The following DAB1 variants were observed in gnomAD, a reference collection of about 807,000 sequenced individuals.
DAB1 encodes disabled homolog 1.
Under a neutral mutation model 64.6 loss-of-function variants are expected in DAB1, and 15 were observed. That is an observed-to-expected ratio of 0.23 (90% CI 0.16 to 0.36). DAB1 has a LOEUF of 0.36. DAB1 is among the 10% of genes least tolerant of loss of function. The pLI, the probability that DAB1 is intolerant of heterozygous loss-of-function variation, is 1.00. For missense variants in DAB1, 596 were observed against 706.7 expected (o/e 0.84, Z 1.78); for synonymous variants, 235 against 251.9 (o/e 0.93, Z 0.64).
intron 2 of DAB1, among the ~76,000 whole-genome samples, chr1:57,154,388 C>T (rs141609672): frequency 3.1e-4 from 47 of 152,294 alleles, no homozygotes; most frequent in Admixed American, 4.6e-4. Flanking sequence ...TTTTTTATGA[C>T]GGAATAGTAC....
intron 7 of DAB1, among the ~76,000 whole-genome samples, chr1:57,562,367 C>T (rs373614895): frequency 5.4e-4 from 82 of 152,118 alleles, no homozygotes; most frequent in African/African-American, 1.4e-3. Context: ...ACTGAGACTC[C>T]GTCTCAAAAA....
rs896617301 is a variant in DAB1 at position 57,732,183 on chromosome 1, G to GA, written n.552-82519_552-82518insT. Reference sequence around the variant, plus strand: ...AAATCCCAGGGCAATTATTGTGGGGGTATCATGCAGGTCAGGTTAGTTTTT... The same window carrying GA: ...AAATCCCAGGGCAATTATTGTGGGGGATATCATGCAGGTCAGGTTAGTTTTT... On this transcript the variant is annotated intron_variant and non_coding_transcript_variant, in intron 6 of 20. Transcript: ENST00000485760. Among the ~76,000 whole-genome samples the GA allele has an allele frequency of 6.6e-5, 10 of 151,982 alleles. No individual in the cohort carries two copies. The South Asian group carries it at 1.2e-3, about 19-fold the overall frequency.
chr1:57,365,222 G>A (rs1679886026), intron 1 of DAB1, among the ~76,000 whole-genome samples: 1 of 135,508 alleles, frequency 7.4e-6, no homozygotes, highest in East Asian at 2.1e-4. Flanking sequence ...ATATATTTAT[G>A]TTATATAAAA....
At chr1:57,223,418 CT>C (rs1288245841) in intron 2 of DAB1, among the ~76,000 whole-genome samples, 3 of 152,146 alleles carry the variant, frequency 2.0e-5, no homozygotes, top group Non-Finnish European at 4.4e-5. Flanking sequence ...GAAAACTTAC[CT>C]CGCTGGCTTA....
chr1:58,122,939 A>G (rs966692753), intron 5 of DAB1, among the ~76,000 whole-genome samples: 1 of 152,194 alleles, frequency 6.6e-6, no homozygotes, highest in Admixed American at 6.5e-5. Flanking sequence ...AGAGAAGGCA[A>G]GAGAAGAATA....
chr1:57,754,486 G>A (rs1648700401), intron 6 of DAB1, among the ~76,000 whole-genome samples: 1 of 151,984 alleles, frequency 6.6e-6, no homozygotes, highest in Admixed American at 6.5e-5. Context: ...AGGAGATTGA[G>A]ACCAGCCTGG....
chr1:58,136,453 A>C lies in DAB1; in HGVS notation n.387+14058T>G, dbSNP rs567326842. ...AGTGTCCAGTGGTCTCACAATACTG[A>C]AGGCTGCATTAATTTTGGACCACAC... On this transcript the variant is annotated intron_variant and non_coding_transcript_variant, in intron 5 of 20. Coordinates refer to the DAB1 transcript ENST00000485760. Among the ~76,000 whole-genome samples, 18 of 152,252 alleles carry C rather than the reference A, an allele frequency of 1.2e-4. No individual in the cohort carries two copies. In the East Asian group the frequency reaches 3.5e-3, roughly 29 times the overall value.
rs570863801 is a variant in DAB1, at chr1:57,411,659, C to T, written c.-137+12271G>A. On this transcript the variant is annotated intron_variant, in intron 1 of 14. Coordinates refer to ENST00000371236, the MANE Select transcript of DAB1 (RefSeq NM_001365792.1). ...TCGGCCTCTTGAACAAAGTGACTAG[C>T]GGCTACCCTGGTCGATCACCCTCTC... Among the ~76,000 whole-genome samples the T allele has an allele frequency of 1.4e-4, 21 of 152,336 alleles. No individual in the cohort carries two copies. The South Asian group carries it at 3.3e-3, about 24-fold the overall frequency.
intron 3 of DAB1, among the ~76,000 whole-genome samples, chr1:58,449,463 C>T (rs567738948): frequency 6.6e-6 from 1 of 152,250 alleles, no homozygotes; most frequent in Non-Finnish European, 1.5e-5. Context: ...TGGAACTTCC[C>T]AGGATGGGTG....
chr1:58,217,248 T>C (rs1466678102), intron 4 of DAB1, among the ~76,000 whole-genome samples: 1 of 152,206 alleles, frequency 6.6e-6, no homozygotes, highest in Admixed American at 6.5e-5. Flanking sequence ...GCTCCAAAGC[T>C]TGTGCTCCTT....
chr1:57,568,800 A>T (rs913141544), intron 7 of DAB1, among the ~76,000 whole-genome samples: 1 of 152,044 alleles, frequency 6.6e-6, no homozygotes, highest in Non-Finnish European at 1.5e-5. Flanking sequence ...GAGGATGTGG[A>T]GAAATAGGAA....
chr1:57,315,627 C>T (rs998214621), intron 1 of DAB1, among the ~76,000 whole-genome samples: 4 of 152,084 alleles, frequency 2.6e-5, no homozygotes, highest in Non-Finnish European at 4.4e-5. Flanking sequence ...CTCAGCCTCC[C>T]GAGTAGCTGG....
chr1:57,114,416 A>G (rs1655931022), intron 4 of DAB1, among the ~76,000 whole-genome samples: 1 of 152,224 alleles, frequency 6.6e-6, no homozygotes, highest in Non-Finnish European at 1.5e-5. Flanking sequence ...TATCAGTATC[A>G]ACCGGAAAAG....
chr1:58,056,196 T>C, intron 5 of DAB1: 2 of 1,534,016 alleles, frequency 1.3e-6, no homozygotes, highest in Admixed American at 1.7e-5. Flanking sequence ...ATGGGGGTGT[T>C]CGGTCCTTGC....
intron 4 of DAB1, among the ~76,000 whole-genome samples, chr1:58,279,368 T>C (rs1326032287): frequency 2.0e-5 from 3 of 152,198 alleles, no homozygotes; most frequent in African/African-American, 7.2e-5. Context: ...AACACATAGC[T>C]TATAAACACA....
At chr1:57,805,613 C>T (rs11207111) in intron 6 of DAB1, among the ~76,000 whole-genome samples, 1 of 151,960 alleles carries the variant, frequency 6.6e-6, no homozygotes, top group Non-Finnish European at 1.5e-5. Context: ...AATTTATATC[C>T]CTAGTCTGGA....
intron 6 of DAB1, among the ~76,000 whole-genome samples, chr1:57,820,906 C>G (rs1037813040): frequency 2.0e-5 from 3 of 152,132 alleles, no homozygotes; most frequent in Non-Finnish European, 4.4e-5. Context: ...ATAAAGAGAA[C>G]ATAAGTTCAG....
chr1:57,178,996 T>C (rs1374005555), intron 2 of DAB1, among the ~76,000 whole-genome samples: 2 of 152,166 alleles, frequency 1.3e-5, no homozygotes, highest in African/African-American at 4.8e-5. Flanking sequence ...TTGCTTTTCA[T>C]ATAGGAGAAG....
chr1:58,002,414 T>C (rs1039522852), intron 5 of DAB1, among the ~76,000 whole-genome samples: 4 of 152,212 alleles, frequency 2.6e-5, no homozygotes, highest in African/African-American at 7.2e-5. Context: ...TTAAAGATAA[T>C]ACATTGTTCC....
Sources: gnomAD v4.1 joint callset for allele counts (sites outside exome capture counted in the v4.1 genomes callset) on GRCh38, gnomAD v4.1.1 for gene constraint, MANE v1.5 for transcripts, NCBI Gene and HGNC (gene_info 2026-07-23, HGNC 2026-07-21) for gene names.